The following MAST4 variants were observed in gnomAD, a reference collection of about 807,000 sequenced individuals.
The protein encoded by MAST4 is microtubule associated serine/threonine kinase family member 4.
MAST4 carries 89 observed loss-of-function variants against 162.7 expected under a neutral mutation model. That is an observed-to-expected ratio of 0.55 (90% CI 0.46 to 0.65). The LOEUF (loss-of-function observed/expected upper bound fraction) is 0.65, where lower values mean the gene tolerates loss of function less well. MAST4 is among the 30% of genes least tolerant of loss of function. The probability of loss-of-function intolerance (pLI) is 0.00; values close to 1 mark genes in which losing one functional copy is unlikely to be tolerated. For synonymous variants in MAST4, 1,479 were observed against 1,361.1 expected (o/e 1.09, Z -1.91); for missense variants, 3,153 against 3,374.0 (o/e 0.93, Z 1.62).
intron 4 of MAST4, among the ~76,000 whole-genome samples, chr5:66,975,522 G>C (rs1035876571): frequency 2.0e-5 from 3 of 152,122 alleles, no homozygotes; most frequent in African/African-American, 7.2e-5. Flanking sequence ...ACTAGAACCA[G>C]TGCTCACAGA....
intron 3 of MAST4, among the ~76,000 whole-genome samples, chr5:66,819,998 A>G (rs1412642977): frequency 3.3e-5 from 5 of 150,258 alleles, no homozygotes; most frequent in Non-Finnish European, 7.4e-5. Context: ...TGGGGTTTCA[A>G]ACTTCTTAAA....
intron 10 of MAST4, among the ~76,000 whole-genome samples, chr5:67,108,629 C>T (rs1034945028): frequency 1.3e-5 from 2 of 152,072 alleles, no homozygotes; most frequent in African/African-American, 4.8e-5. Flanking sequence ...GATTATTCAC[C>T]AATGGTCATT....
chr5:66,664,545 G>C (rs541710281), intron 1 of MAST4, among the ~76,000 whole-genome samples: 1 of 148,990 alleles, frequency 6.7e-6, no homozygotes, highest in Non-Finnish European at 1.5e-5. Flanking sequence ...TAGGCAGAGG[G>C]ATCTAAGAAT....
chr5:67,051,849 A>G (rs569292817), intron 4 of MAST4, among the ~76,000 whole-genome samples: 2 of 152,290 alleles, frequency 1.3e-5, no homozygotes, highest in Non-Finnish European at 2.9e-5. Flanking sequence ...ATATCAGCCT[A>G]TATTATATAA....
intron 1 of MAST4, among the ~76,000 whole-genome samples, chr5:66,750,195 A>G (rs998900569): frequency 4.7e-4 from 72 of 152,274 alleles, no homozygotes; most frequent in African/African-American, 1.7e-3. Flanking sequence ...CTCATTATGT[A>G]TGCAGATGAC....
At chr5:67,140,958 C>A (rs1447357454) in intron 19 of MAST4, among the ~76,000 whole-genome samples, 1 of 152,164 alleles carries the variant, frequency 6.6e-6, no homozygotes, top group African/African-American at 2.4e-5. Flanking sequence ...GTTTTCACTC[C>A]ATTCCATCAT....
In MAST4 at chr5:66,790,176, T is replaced by C. The variant is rs186342982; in HGVS notation, c.642+1382T>C. 4.2e-3 allele frequency among the ~76,000 whole-genome samples: 639 copies of C among 152,180 alleles called. 2 individuals carry two copies. Among genetic ancestry groups the C allele is most frequent in the South Asian group, 0.013 (63 of 4,806 alleles). ...ATATATAAATCAATGTATTGTGTCT[T>C]ATAATTTTATGCATTGGTAATAAAT... On this transcript the variant is annotated intron_variant, in intron 3 of 28. Transcript: ENST00000403625.
chr5:67,129,741 AG>A (rs10715954), intron 14 of MAST4, among the ~76,000 whole-genome samples: 151,291 of 151,446 alleles, frequency 1, 75,569 homozygotes, highest in Non-Finnish European at 1. Flanking sequence ...AAAAAGAAAA[AG>A]GAAAAAAAAG....
At chr5:66,995,299 T>A (rs1750506128) in intron 4 of MAST4, among the ~76,000 whole-genome samples, 1 of 152,212 alleles carries the variant, frequency 6.6e-6, no homozygotes, top group African/African-American at 2.4e-5. Context: ...ATTGTTTTCT[T>A]AAGTTTGTAA....
intron 2 of MAST4, among the ~76,000 whole-genome samples, chr5:66,781,891 G>A (rs1754886997): frequency 6.6e-6 from 1 of 152,144 alleles, no homozygotes; most frequent in Admixed American, 6.5e-5. Context: ...GATCTCCAGA[G>A]GCTATTATTT....
intron 12 of MAST4, among the ~76,000 whole-genome samples, chr5:67,116,204 GTTTGT>G (rs568152623): frequency 5.3e-5 from 8 of 150,520 alleles, no homozygotes; most frequent in Admixed American, 1.3e-4. Context: ...TTGTTTGTTT[GTTTGT>G]TTTGTTTTGT....
chr5:66,750,289 A>T (rs547052325), intron 1 of MAST4, among the ~76,000 whole-genome samples: 1 of 152,324 alleles, frequency 6.6e-6, no homozygotes, highest in South Asian at 2.1e-4. Flanking sequence ...GTGCTGAGGG[A>T]GGAGCCAAGA....
intron 23 of MAST4, among the ~76,000 whole-genome samples, chr5:67,147,283 C>G (rs567493878): frequency 6.6e-6 from 1 of 152,226 alleles, no homozygotes; most frequent in African/African-American, 2.4e-5. Context: ...GTCTGAAAAC[C>G]GTGACTGTAG....
At chr5:67,020,670 C>T (rs1753861824) in intron 4 of MAST4, among the ~76,000 whole-genome samples, 1 of 152,210 alleles carries the variant, frequency 6.6e-6, no homozygotes, top group African/African-American at 2.4e-5. Context: ...TGGATTTGGA[C>T]AGAAGGTTGG....
chr5:66,926,558 T>TATA (rs1561451910), intron 4 of MAST4, among the ~76,000 whole-genome samples: 96 of 108,890 alleles, frequency 8.8e-4, no homozygotes, highest in African/African-American at 2.5e-3. Context: ...CTTTCTCTCT[T>TATA]TCTCTCTCTA....
chr5:66,680,188 C>T (rs1748236589), intron 1 of MAST4, among the ~76,000 whole-genome samples: 1 of 152,166 alleles, frequency 6.6e-6, no homozygotes, highest in Admixed American at 6.5e-5. Context: ...ACTGGGGTCC[C>T]TCCTAATTTA....
At chr5:67,138,423 GT>G (rs1345804384) in intron 19 of MAST4, among the ~76,000 whole-genome samples, 1 of 152,030 alleles carries the variant, frequency 6.6e-6, no homozygotes, top group East Asian at 1.9e-4. Context: ...TGGTTGGTGG[GT>G]GGGTGGGGTG....
At chr5:66,891,233 C>T (rs1020577446) in intron 3 of MAST4, among the ~76,000 whole-genome samples, 4 of 152,130 alleles carry the variant, frequency 2.6e-5, no homozygotes, top group African/African-American at 9.7e-5. Flanking sequence ...GGTACCCTGT[C>T]CTGAGCTCCA....
chr5:66,829,481 A>G (rs923270347), intron 3 of MAST4, among the ~76,000 whole-genome samples: 1 of 152,214 alleles, frequency 6.6e-6, no homozygotes. Context: ...TTTATTGTAC[A>G]AATACATTCT....
Sources: allele counts gnomAD v4.1 joint callset (sites outside exome capture counted in the v4.1 genomes callset), GRCh38; gene constraint gnomAD v4.1.1; transcripts MANE v1.5; gene names NCBI Gene and HGNC (gene_info 2026-07-23, HGNC 2026-07-21).